The following PNRC1 variants were observed in gnomAD, a reference collection of about 807,000 sequenced individuals.
The protein encoded by PNRC1 is proline-rich nuclear receptor coactivator 1.
PNRC1 carries 6 observed loss-of-function variants against 20.2 expected under a neutral mutation model. The ratio of observed to expected loss-of-function variants is 0.30; its 90% confidence interval spans 0.16 to 0.59. PNRC1 has a LOEUF of 0.59. Among genes scored for constraint, PNRC1 ranks in the 20% least tolerant of loss-of-function variants. PNRC1 has a pLI of 0.89. For missense variants in PNRC1, 488 were observed against 430.2 expected, an observed-to-expected ratio of 1.13 and a Z score of -1.19; for synonymous variants, 202 against 186.9, an observed-to-expected ratio of 1.08 and a Z score of -0.66.
At chr6:89,082,047 G>A (rs1238568164) in intron 1 of PNRC1, 1 of 152,346 alleles carries the variant, frequency 6.6e-6, no homozygotes, top group East Asian at 1.9e-4. Flanking sequence ...GTCCAGTTGG[G>A]GCTCTGCCCG....
chr6:89,083,634 T>C, intron 1 of PNRC1, 119 bp from the exon 2 acceptor site: 1 of 692,590 alleles, frequency 1.4e-6, no homozygotes, highest in Non-Finnish European at 2.4e-6. Context: ...GAACATAATT[T>C]TGTTCTTTTC....
intron 1 of PNRC1, 85 bp downstream of exon 1, chr6:89,081,519 GGTCGGGC>G: frequency 2.3e-6 from 1 of 428,270 alleles, no homozygotes. Context: ...GCACCCGGGG[GGTCGGGC>G]GGGTGGGGGC....
At chr6:89,082,142 G>GT (rs1313693604) in intron 1 of PNRC1, 1 of 152,268 alleles carries the variant, frequency 6.6e-6, no homozygotes, top group Non-Finnish European at 1.5e-5. Context: ...TGCCACTGTG[G>GT]TACTTCGTGT....
rs149572249 is a variant in PNRC1 at position 89,083,937 on chromosome 6, C to G, written c.725C>G (p.Ser242Cys). 6.2e-7 allele frequency: 1 copy of G among 1,614,102 alleles called. No homozygotes were observed. Among genetic ancestry groups the G allele is most frequent in the South Asian group, 1.1e-5 (1 of 91,066 alleles). ...AACTTTTGGCAGGATTCTGTTTCAT[C>G]TGACAGAATTCAGAAGCAGGAAAAA... Reference protein sequence around the residue: ...ENNFWQDSVSSDRIQKQEKKP... With the variant: ...ENNFWQDSVSCDRIQKQEKKP... The change falls in exon 2 of 2, where the codon TCT becomes TGT. Residue 242 changes from serine to cysteine, a missense_variant. Ser to Cys is a moderately radical substitution (Grantham distance 112, BLOSUM62 -1). Coordinates refer to ENST00000336032, the MANE Select transcript of PNRC1 (RefSeq NM_006813.3).
In PNRC1 at chr6:89,083,910, A is replaced by G. The variant is rs1480114332; in HGVS notation, c.698A>G (p.Asn233Ser). The change falls in exon 2 of 2, where the codon AAC (asparagine) becomes AGC (serine). Residue 233 changes from asparagine to serine, a missense_variant. Asn to Ser is a conservative substitution (Grantham distance 46). Transcript: ENST00000336032. ...ATCACCTCTGCAAAAAGAAATGAAA[A>G]CAACTTTTGGCAGGATTCTGTTTCA... ...TKITSAKRNE[N>S]NFWQDSVSSD... 6.2e-7 allele frequency: 1 copy of G among 1,614,182 alleles called. No individual in the cohort carries two copies. The highest frequency in any genetic ancestry group is 2.2e-5 in the East Asian group (1 of 44,878).
In PNRC1 at chr6:89,081,424, T is replaced by C; in HGVS notation, c.530T>C (p.Leu177Pro). 2 of 1,330,118 alleles carry C rather than the reference T, an allele frequency of 1.5e-6. No homozygotes were observed. Among genetic ancestry groups the C allele is most frequent in the Non-Finnish European group, 1.9e-6 (2 of 1,048,326 alleles). 82.4% of individuals were successfully genotyped at this position (1,330,118 alleles called of 1,614,324 possible). ...CCCGCGGCTCCCGGCCAAACCCCCC[T>C]CAGGAAAGAGGTGAGGCCGCCAGGG... ...LRPAAPGQTP[L>P]RKEVLKSKMG... Residue 177 changes from leucine (L) to proline (P), a missense_variant, in exon 1 of 2, where the codon CTC becomes CCC. Physicochemically the swap from Leu to Pro is moderately conservative, Grantham distance 98. Transcript: ENST00000336032.
Position 89,080,758 on chromosome 6 carries a change from C to G in PNRC1, c.-137C>G. ...CTGGGGCTGTGGCTATTTGTTGCTG[C>G]GCCGCCACCGCCCGAGTCATGTTCC... On this transcript the variant is annotated 5_prime_UTR_variant, in exon 1 of 2. Coordinates refer to ENST00000336032, the MANE Select transcript of PNRC1 (RefSeq NM_006813.3). 1.2e-6 allele frequency: 1 copy of G among 808,502 alleles called. No individual in the cohort carries two copies. Among genetic ancestry groups the G allele is most frequent in the African/African-American group, 1.7e-5 (1 of 58,046 alleles). 50.1% of individuals were successfully genotyped at this position (808,502 alleles called of 1,614,324 possible).
At position 89,084,365 on chromosome 6, in the gene PNRC1, A is replaced by C. The variant is rs1768070151; in HGVS notation, c.*169A>C. 4 of 567,800 alleles carry C rather than the reference A, an allele frequency of 7.0e-6. No homozygotes were observed. In the East Asian group the frequency reaches 9.0e-5, roughly 13 times the overall value. The allele number at this position is 567,800 out of a possible 1,614,324, so 35.2% of individuals were successfully genotyped here. A position where few individuals can be genotyped will look rare whatever the true frequency, so the allele number is the denominator to read the frequency against. ...GTATTATATTTTATATTTTGTAAAT[A>C]CTGTATACCATGTATTATGTGTATA... On this transcript the variant is annotated 3_prime_UTR_variant, in exon 2 of 2. Transcript: ENST00000336032.
chr6:89,081,713 T>A (rs961082014), intron 1 of PNRC1: 65 of 213,458 alleles, frequency 3.0e-4, no homozygotes, highest in African/African-American at 1.6e-3. Context: ...TTTAGAAGGC[T>A]GGCGGCGTTC....
rs1375082884 is a variant in PNRC1, at chr6:89,084,300, T to C, written c.*104T>C. Reference sequence around the variant, plus strand: ...AAATTTGCCTTGTTGCAACATACAATTGCAAAAGATGAGTTTAAAAAATTA... The same window carrying C: ...AAATTTGCCTTGTTGCAACATACAACTGCAAAAGATGAGTTTAAAAAATTA... On this transcript the variant is annotated 3_prime_UTR_variant, in exon 2 of 2. Transcript: ENST00000336032. 1 of 700,066 alleles carries C rather than the reference T, an allele frequency of 1.4e-6. No individual in the cohort carries two copies. Among genetic ancestry groups the C allele is most frequent in the Admixed American group, 3.3e-5 (1 of 30,088 alleles). The allele number at this position is 700,066 out of a possible 1,614,324, so 43.4% of individuals were successfully genotyped here.
At chr6:89,081,482 C>T in intron 1 of PNRC1, 48 bp downstream of exon 1, 2 of 903,190 alleles carry the variant, frequency 2.2e-6, no homozygotes, top group Non-Finnish European at 2.6e-6. Flanking sequence ...TAGACGGTCG[C>T]GGCCGAGCTC....
Position 89,081,069 on chromosome 6 carries a change from C to T in PNRC1, c.175C>T (p.His59Tyr), listed in dbSNP as rs1375885569. 5.0e-6 allele frequency: 8 copies of T among 1,610,332 alleles called. No individual in the cohort carries two copies. Among genetic ancestry groups the T allele is most frequent in the Non-Finnish European group, 6.8e-6 (8 of 1,179,734 alleles). ...RALPPTLFLP[H>Y]FLGGDGPCLT... ...ACTGCCCCCGACCCTCTTCCTCCCT[C>T]ATTTCCTAGGGGGAGATGGCCCGTG... Residue 59 changes from histidine to tyrosine, a missense_variant, in exon 1 of 2, where the codon CAT becomes TAT. His to Tyr is a moderately conservative substitution (Grantham distance 83). Coordinates refer to ENST00000336032, the MANE Select transcript of PNRC1 (RefSeq NM_006813.3).
At position 89,084,509 on chromosome 6, in the gene PNRC1, C is replaced by T. The variant is rs1768074540; in HGVS notation, c.*313C>T. On this transcript the variant is annotated 3_prime_UTR_variant, in exon 2 of 2. Coordinates refer to ENST00000336032, the MANE Select transcript of PNRC1 (RefSeq NM_006813.3). Reference sequence around the variant, plus strand: ...TAAATTTTAAGTGTGTGCTAAGGCACATGGAAGACCGATTTTATTTGCACA... The same window carrying T: ...TAAATTTTAAGTGTGTGCTAAGGCATATGGAAGACCGATTTTATTTGCACA... 5.5e-6 allele frequency: 1 copy of T among 180,276 alleles called. No homozygotes were observed. The highest frequency in any genetic ancestry group is 2.4e-5 in the African/African-American group (1 of 42,300). 11.2% of individuals were successfully genotyped at this position (180,276 alleles called of 1,614,324 possible).
intron 1 of PNRC1, among the ~76,000 whole-genome samples, chr6:89,082,897 T>A (rs1768032817): frequency 3.3e-5 from 5 of 152,234 alleles, no homozygotes; most frequent in Admixed American, 3.3e-4. Context: ...TTTGACATTT[T>A]AGAACTGGTT....
chr6:89,082,375 A>C (rs1768021574), intron 1 of PNRC1: 1 of 152,242 alleles, frequency 6.6e-6, no homozygotes, highest in African/African-American at 2.4e-5. Context: ...TTAGTGAAGA[A>C]TGTTGCATTG....
In PNRC1 at chr6:89,083,941, C is replaced by G; in HGVS notation, c.729C>G (p.Asp243Glu). 20 of 1,614,030 alleles carry G rather than the reference C, an allele frequency of 1.2e-5. No individual in the cohort carries two copies. Among genetic ancestry groups the G allele is most frequent in the Non-Finnish European group, 1.5e-5 (18 of 1,179,976 alleles). Residue 243 changes from aspartate (D) to glutamate (E), a missense_variant, in exon 2 of 2, where the codon GAC becomes GAG. Physicochemically the swap from Asp to Glu is conservative, Grantham distance 45. Coordinates refer to ENST00000336032, the MANE Select transcript of PNRC1 (RefSeq NM_006813.3). ...NNFWQDSVSS[D>E]RIQKQEKKPF... The stretch of plus-strand genomic sequence containing the variant: ...TTTGGCAGGATTCTGTTTCATCTGA[C>G]AGAATTCAGAAGCAGGAAAAAAAGC...
Position 89,080,870 on chromosome 6 carries a change from G to C in PNRC1, c.-25G>C. Reference sequence around the variant, plus strand: ...TTCACCTTCTCCTTCTCTCTTCGTTGCTGAGCGACAAGCTTCCTAGCGCTA... The same window carrying C: ...TTCACCTTCTCCTTCTCTCTTCGTTCCTGAGCGACAAGCTTCCTAGCGCTA... On this transcript the variant is annotated 5_prime_UTR_variant, in exon 1 of 2. Transcript: ENST00000336032. The C allele has an allele frequency of 6.2e-7, 1 of 1,605,410 alleles. No individual in the cohort carries two copies. Among genetic ancestry groups the C allele is most frequent in the Non-Finnish European group, 8.5e-7 (1 of 1,179,196 alleles).
At position 89,080,823 on chromosome 6, in the gene PNRC1, C is replaced by T; in HGVS notation, c.-72C>T. On this transcript the variant is annotated 5_prime_UTR_variant, in exon 1 of 2. Transcript: ENST00000336032. ...CTCTCCTAGCAGCATCCATCGCCGC[C>T]ACCCTATCTTCACTGGCTTCATTCA... 1 of 1,453,642 alleles carries T rather than the reference C, an allele frequency of 6.9e-7. No individual in the cohort carries two copies. Among genetic ancestry groups the T allele is most frequent in the Non-Finnish European group, 9.4e-7 (1 of 1,064,358 alleles). The allele number at this position is 1,453,642 out of a possible 1,614,324, so 90.0% of individuals were successfully genotyped here.
chr6:89,082,589 G>C (rs922055761), intron 1 of PNRC1: 50 of 152,330 alleles, frequency 3.3e-4, no homozygotes, highest in Admixed American at 2.8e-3. Flanking sequence ...CCTTATTGAC[G>C]TGGAAAGTTG....
Sources: allele counts gnomAD v4.1 joint callset (sites outside exome capture counted in the v4.1 genomes callset), GRCh38; gene constraint gnomAD v4.1.1; transcripts MANE v1.5; gene names NCBI Gene and HGNC (gene_info 2026-07-23, HGNC 2026-07-21).